USP14: variants seen among roughly 807,000 people sequenced by gnomAD.
USP14 encodes ubiquitin carboxyl-terminal hydrolase 14.
A neutral mutation model predicts 76.5 loss-of-function variants in USP14; 38 were observed. The ratio of observed to expected loss-of-function variants is 0.50; its 90% CI spans 0.38 to 0.65. The LOEUF (loss-of-function observed/expected upper bound fraction) is 0.65. Ranked by LOEUF, USP14 falls within the 30% of genes least tolerant of loss-of-function variation. USP14 has a pLI of 0.00. For missense variants in USP14, 467 were observed against 586.5 expected, an observed-to-expected ratio of 0.80 and a Z score of 2.10; for synonymous variants, 192 against 191.7, an observed-to-expected ratio of 1.00 and a Z score of -0.01.
Position 213,209 on chromosome 18 carries a change from TTAACAA to T in USP14, c.*1927_*1932del. ...GAACAATTTTATTGAGGACATGAAT[TTAACAA>T]TTAGAATTTAGATTTTCTGACTGTA... On this transcript the variant is annotated 3_prime_UTR_variant, in exon 16 of 16. Coordinates refer to ENST00000261601, the MANE Select transcript of USP14 (RefSeq NM_005151.4). The T allele has an allele frequency of 6.6e-6, 1 of 152,264 alleles. No individual in the cohort carries two copies. The highest frequency in any genetic ancestry group is 1.5e-5 in the Non-Finnish European group (1 of 68,014). 9.4% of individuals were successfully genotyped at this position (152,264 alleles called of 1,614,324 possible). A position where few individuals can be genotyped will look rare whatever the true frequency, so the allele number is the denominator to read the frequency against.
At chr18:167,184 A>T (rs968892293) in intron 3 of USP14, among the ~76,000 whole-genome samples, 11 of 152,116 alleles carry the variant, frequency 7.2e-5, no homozygotes, top group Admixed American at 5.9e-4. Context: ...CAGAGGCAGG[A>T]GGCAGGAGAA....
At chr18:174,132 A>G (rs1474874163) in intron 3 of USP14, among the ~76,000 whole-genome samples, 7 of 152,144 alleles carry the variant, frequency 4.6e-5, no homozygotes, top group Non-Finnish European at 1.5e-5. Flanking sequence ...TTGAATCTGT[A>G]TGTCAGTCTG....
Position 202,979 on chromosome 18 carries a change from G to A in USP14, c.942+34G>A, listed in dbSNP as rs200053399. 42 of 1,610,044 alleles carry A rather than the reference G, an allele frequency of 2.6e-5. 1 individual carries two copies. The highest frequency in any genetic ancestry group is 1.6e-4 in the East Asian group (7 of 44,812). On this transcript the variant is annotated intron_variant, in intron 11 of 15. Transcript: ENST00000261601. ...TGCAGTCCTTTCGAAGCCAAATTCC[G>A]CTTCACTGAAATATTTCCAGTTAAT...
intron 2 of USP14, among the ~76,000 whole-genome samples, chr18:165,933 G>A (rs777932201): frequency 6.6e-6 from 1 of 152,032 alleles, no homozygotes; most frequent in Non-Finnish European, 1.5e-5. Flanking sequence ...ATATAGAATC[G>A]ACTTTATCCT....
Position 196,723 on chromosome 18 carries a change from C to T in USP14, c.550C>T (p.Pro184Ser). The change falls in exon 7 of 16, where the codon CCA (proline) becomes TCA (serine). Residue 184 changes from proline to serine, a missense_variant. Physicochemically the swap from Pro to Ser is moderately conservative, Grantham distance 74 (BLOSUM62 -1). Transcript: ENST00000261601. ...ILLQFLHMAF[P>S]QFAEKGEQGQ... is the part of the protein sequence containing the mutation. ...ACTGCAGTTTTTGCACATGGCTTTCCCACAGTTTGCCGAGAAAGGTGAACA... is the reference window on the plus strand; with the variant it reads ...ACTGCAGTTTTTGCACATGGCTTTCTCACAGTTTGCCGAGAAAGGTGAACA... 6.2e-7 allele frequency: 1 copy of T among 1,614,010 alleles called. No homozygotes were observed. The highest frequency in any genetic ancestry group is 8.5e-7 in the Non-Finnish European group (1 of 1,179,990).
chr18:184,057 G>GT (rs1909859880), intron 5 of USP14, among the ~76,000 whole-genome samples: 1 of 152,114 alleles, frequency 6.6e-6, no homozygotes, highest in South Asian at 2.1e-4. Flanking sequence ...AAAGAGTTCT[G>GT]TGTAAGCAGG....
Position 178,879 on chromosome 18 carries a change from A to G in USP14, c.196-54A>G, listed in dbSNP as rs77511266. 2.5e-3 allele frequency: 3,561 copies of G among 1,406,098 alleles called. 71 individuals are homozygous for G. In the Admixed American group the frequency reaches 0.051, roughly 20 times the overall value. The allele number at this position is 1,406,098 out of a possible 1,614,324, so 87.1% of individuals were successfully genotyped here. A position where few individuals can be genotyped will look rare whatever the true frequency, so the allele number is the denominator to read the frequency against. The stretch of plus-strand genomic sequence containing the variant: ...TGTTCCTGGCTTCTTTTGGTTTGAC[A>G]TAAACATTACCAACTTTTAAGGATT... On this transcript the variant is annotated intron_variant, in intron 3 of 15. Coordinates refer to ENST00000261601, the MANE Select transcript of USP14 (RefSeq NM_005151.4).
chr18:209,299 G>C (rs1235820193), intron 13 of USP14, among the ~76,000 whole-genome samples: 2 of 152,066 alleles, frequency 1.3e-5, no homozygotes, highest in Non-Finnish European at 2.9e-5. Flanking sequence ...GGAATCCTTT[G>C]ACTTCTTGCC....
In USP14 at chr18:203,108, G is replaced by A. The variant is rs1337320375; in HGVS notation, c.953G>A (p.Ser318Asn). Reference protein sequence around the residue: ...NALYIKSSKISRLPAYLTIQM... With the variant: ...NALYIKSSKINRLPAYLTIQM... ...ATTTTGTCTCCTCAGTCCAAGATCA[G>A]CCGGCTGCCTGCTTACTTGACCATT... The change falls in exon 12 of 16, where the codon AGC (serine) becomes AAC (asparagine). Residue 318 changes from serine to asparagine, a missense_variant. Ser to Asn is a conservative substitution (Grantham distance 46). Transcript: ENST00000261601. The A allele has an allele frequency of 6.2e-7, 1 of 1,614,012 alleles. No individual in the cohort carries two copies. Among genetic ancestry groups the A allele is most frequent in the East Asian group, 2.2e-5 (1 of 44,860 alleles).
intron 9 of USP14, among the ~76,000 whole-genome samples, chr18:198,510 C>T (rs905172354): frequency 8.6e-5 from 13 of 151,990 alleles, no homozygotes; most frequent in African/African-American, 1.9e-4. Context: ...TGAGCCACCG[C>T]GCCCAGCCCA....
At chr18:191,439 T>C (rs1910085203) in intron 5 of USP14, among the ~76,000 whole-genome samples, 2 of 152,216 alleles carry the variant, frequency 1.3e-5, no homozygotes, top group Non-Finnish European at 2.9e-5. Flanking sequence ...AATTCACATC[T>C]AGTGAAATGC....
At chr18:194,112 A>T (rs1453112641) in intron 6 of USP14, among the ~76,000 whole-genome samples, 1 of 152,150 alleles carries the variant, frequency 6.6e-6, no homozygotes, top group Non-Finnish European at 1.5e-5. Flanking sequence ...TGTCTTTTTG[A>T]CTATAGCCAT....
chr18:177,227 C>A (rs190703335), intron 3 of USP14, among the ~76,000 whole-genome samples: 26 of 151,874 alleles, frequency 1.7e-4, no homozygotes, highest in Non-Finnish European at 2.4e-4. Flanking sequence ...CTAGTGTATT[C>A]TTTAAATAGT....
chr18:184,079 C>A (rs1909860389), intron 5 of USP14, among the ~76,000 whole-genome samples: 1 of 152,040 alleles, frequency 6.6e-6, no homozygotes, highest in South Asian at 2.1e-4. Flanking sequence ...GAGATTTCAT[C>A]CTATGTGGTT....
intron 5 of USP14, among the ~76,000 whole-genome samples, chr18:183,663 C>CT (rs1909847794): frequency 6.6e-6 from 1 of 150,764 alleles, no homozygotes; most frequent in South Asian, 2.1e-4. Flanking sequence ...ACCTTCTGTT[C>CT]TTTTTTATAA....
rs1555603980 is a variant in USP14 at position 214,298 on chromosome 18, T to TAAC, written c.*3017_*3019dup. ...TTCAGGATAAATTTTGTAAAACTAC[T>TAAC]AACAAACAACACACAGGAAACTAAT... is the stretch of plus-strand genomic sequence containing the variant. On this transcript the variant is annotated 3_prime_UTR_variant, in exon 16 of 16. Coordinates refer to ENST00000261601, the MANE Select transcript of USP14 (RefSeq NM_005151.4). 5.4e-5 allele frequency: 11 copies of TAAC among 205,564 alleles called. No homozygotes were observed. Among genetic ancestry groups the TAAC allele is most frequent in the African/African-American group, 2.3e-4 (10 of 42,662 alleles). The allele number at this position is 205,564 out of a possible 1,614,324, so 12.7% of individuals were successfully genotyped here.
In USP14 at chr18:179,983, G is replaced by T. The variant is rs539579145; in HGVS notation, c.301-253G>T. Among the ~76,000 whole-genome samples, 3 of 152,124 alleles carry T rather than the reference G, an allele frequency of 2.0e-5. No homozygotes were observed. The East Asian group carries it at 5.8e-4, about 29-fold the overall frequency. On this transcript the variant is annotated intron_variant, in intron 4 of 15. Coordinates refer to ENST00000261601, the MANE Select transcript of USP14 (RefSeq NM_005151.4). The stretch of plus-strand genomic sequence containing the variant: ...CTTGATAAACCTGCAAAAAAGGCAA[G>T]ACTAGTATGATTATTCTCTTATTAT...
chr18:198,776 TA>T (rs545300293), intron 9 of USP14, among the ~76,000 whole-genome samples: 38 of 152,162 alleles, frequency 2.5e-4, no homozygotes, highest in Non-Finnish European at 5.3e-4. Flanking sequence ...ACTTTTAAAA[TA>T]AAAAAAGAAT....
chr18:214,512 T>TACA lies in USP14; in HGVS notation c.*3233_*3235dup. On this transcript the variant is annotated 3_prime_UTR_variant, in exon 16 of 16. Transcript: ENST00000261601. The stretch of plus-strand genomic sequence containing the variant: ...TTGTTCTCAGAGCACCAGCCGACTG[T>TACA]ACAACAATTGTTATAAAAATGTTTA... 1.2e-6 allele frequency: 1 copy of TACA among 848,658 alleles called. No individual in the cohort carries two copies. 52.6% of individuals were successfully genotyped at this position (848,658 alleles called of 1,614,324 possible).
Sources: gnomAD v4.1 joint callset for allele counts (sites outside exome capture counted in the v4.1 genomes callset) on GRCh38, gnomAD v4.1.1 for gene constraint, MANE v1.5 for transcripts, NCBI Gene and HGNC (gene_info 2026-07-23, HGNC 2026-07-21) for gene names.